The following LIMCH1 variants were observed in gnomAD, a reference collection of about 807,000 sequenced individuals.
LIMCH1 encodes the protein LIM and calponin homology domains 1.
LIMCH1 carries 113 observed loss-of-function variants against 176.5 expected under a neutral mutation model. The observed-to-expected ratio is 0.64, with a 90% CI of 0.55 to 0.75. The LOEUF (loss-of-function observed/expected upper bound fraction) is 0.75, where lower values mean the gene tolerates loss of function less well. LIMCH1 is among the 30% of genes least tolerant of loss of function. The probability of loss-of-function intolerance (pLI) is 0.00; values close to 1 mark genes in which losing one functional copy is unlikely to be tolerated. For missense variants in LIMCH1, 1,674 were observed against 1,814.9 expected (o/e 0.92, Z 1.41); for synonymous variants, 619 against 645.9 (o/e 0.96, Z 0.63).
intron 1 of LIMCH1, among the ~76,000 whole-genome samples, chr4:41,566,574 T>G (rs1337023385): frequency 6.6e-6 from 1 of 152,116 alleles, no homozygotes; most frequent in Admixed American, 6.5e-5. Context: ...GGAAGTATAC[T>G]TAGAACCAAT....
At chr4:41,561,016 C>CA (rs1248685060) in intron 1 of LIMCH1, among the ~76,000 whole-genome samples, 3 of 152,132 alleles carry the variant, frequency 2.0e-5, no homozygotes, top group East Asian at 3.9e-4. Context: ...GACCGTGTCT[C>CA]AAAAAAACAA....
intron 1 of LIMCH1, among the ~76,000 whole-genome samples, chr4:41,366,158 T>C (rs74879050): frequency 6.6e-6 from 1 of 152,186 alleles, no homozygotes; most frequent in Admixed American, 6.5e-5. Flanking sequence ...GATAACATGA[T>C]GATAAAAATT....
chr4:41,465,371 G>A (rs1309982461), intron 1 of LIMCH1, among the ~76,000 whole-genome samples: 2 of 152,128 alleles, frequency 1.3e-5, no homozygotes. Context: ...CCCGCTGCCA[G>A]CACACCAGTG....
chr4:41,494,717 C>A (rs78259276), intron 2 of LIMCH1: 21,971 of 730,156 alleles, frequency 0.03, 438 homozygotes, highest in Middle Eastern at 0.046. Flanking sequence ...CAGTTTGAAT[C>A]TGAAACTCAA....
intron 2 of LIMCH1, among the ~76,000 whole-genome samples, chr4:41,497,097 C>G (rs2072298894): frequency 6.6e-6 from 1 of 152,178 alleles, no homozygotes; most frequent in Admixed American, 6.5e-5. Context: ...TTGATGCTTT[C>G]CAGTTTTGTG....
chr4:41,613,510 T>C lies in LIMCH1; in HGVS notation c.54T>C (p.Ser18=). ...GTCCTAAACGCAGTATCCGAGACAG[T>C]GGCTACATCGACTGCTGGGATTCCG... ...IESPKRSIRD[S]GYIDCWDSER... Residue 18 remains serine (S), a synonymous_variant, in exon 5 of 32, where the codon AGT becomes AGC. Coordinates refer to ENST00000503057, the MANE Select transcript of LIMCH1 (RefSeq NM_001330672.2). The C allele has an allele frequency of 1.9e-6, 3 of 1,614,074 alleles. No homozygotes were observed. The highest frequency in any genetic ancestry group is 1.7e-6 in the Non-Finnish European group (2 of 1,180,006).
rs1441362848 is a variant in LIMCH1, at chr4:41,671,419, C to G, written c.3398-135C>G. On this transcript the variant is annotated intron_variant, in intron 21 of 31. Coordinates refer to ENST00000503057, the MANE Select transcript of LIMCH1 (RefSeq NM_001330672.2). ...CCAAACACACACACACACACACACACACACACACACACACACACACAAAAT... is the reference window on the plus strand; with the variant it reads ...CCAAACACACACACACACACACACAGACACACACACACACACACACAAAAT... The G allele has an allele frequency of 1.3e-5, 8 of 625,240 alleles. No homozygotes were observed. In the East Asian group the frequency reaches 2.3e-4, roughly 18 times the overall value. The allele number at this position is 625,240 out of a possible 1,614,324, so 38.7% of individuals were successfully genotyped here. A position where few individuals can be genotyped will look rare whatever the true frequency, so the allele number is the denominator to read the frequency against.
rs1327627462 is a variant in LIMCH1, at chr4:41,613,672, G to A, written c.205+11G>A. The stretch of plus-strand genomic sequence containing the variant: ...GGGGAAGCAGCGATGGTAGGTTGGA[G>A]TCTTAATAAACTATCCATCTTGAAA... On this transcript the variant is annotated intron_variant, in intron 5 of 31. Coordinates refer to ENST00000503057, the MANE Select transcript of LIMCH1 (RefSeq NM_001330672.2). 4 of 1,611,806 alleles carry A rather than the reference G, an allele frequency of 2.5e-6. No individual in the cohort carries two copies. Among genetic ancestry groups the A allele is most frequent in the Non-Finnish European group, 3.4e-6 (4 of 1,177,914 alleles).
intron 1 of LIMCH1, among the ~76,000 whole-genome samples, chr4:41,415,310 GATGT>G (rs1300447538): frequency 6.6e-6 from 1 of 152,138 alleles, no homozygotes; most frequent in Non-Finnish European, 1.5e-5. Context: ...GTGTCCTGAA[GATGT>G]ATTATTGGGA....
At chr4:41,386,290 G>A (rs183858895) in intron 1 of LIMCH1, among the ~76,000 whole-genome samples, 134 of 152,302 alleles carry the variant, frequency 8.8e-4, no homozygotes, top group Non-Finnish European at 1.5e-3. Context: ...TTCCTTAGAG[G>A]AGGGATGAAG....
chr4:41,486,018 ACT>A (rs2069466131), intron 1 of LIMCH1, among the ~76,000 whole-genome samples: 1 of 152,142 alleles, frequency 6.6e-6, no homozygotes, highest in African/African-American at 2.4e-5. Context: ...GTCAAGCATA[ACT>A]CTTAAGATTT....
rs936169735 is a variant in LIMCH1 at position 41,699,007 on chromosome 4, A to G, written c.*1822A>G. On this transcript the variant is annotated 3_prime_UTR_variant, in exon 32 of 32. Coordinates refer to ENST00000503057, the MANE Select transcript of LIMCH1 (RefSeq NM_001330672.2). ...AAATAAAAAAAGAAAAAAAGAAAAA[A>G]TTAAAAAGAAAAATTGTTTTGAAAA... 7 of 152,444 alleles carry G rather than the reference A, an allele frequency of 4.6e-5. No individual in the cohort carries two copies. In the South Asian group the frequency reaches 1.4e-3, roughly 32 times the overall value. The allele number at this position is 152,444 out of a possible 1,614,324, so 9.4% of individuals were successfully genotyped here.
chr4:41,632,919 G>T, intron 11 of LIMCH1, 52 bp downstream of exon 11: 1 of 1,529,344 alleles, frequency 6.5e-7, no homozygotes, highest in East Asian at 2.4e-5. Context: ...GACAGGTGGG[G>T]TCAGAGCCTC....
chr4:41,481,531 A>G (rs773947491), intron 1 of LIMCH1, among the ~76,000 whole-genome samples: 3 of 152,182 alleles, frequency 2.0e-5, no homozygotes, highest in Non-Finnish European at 2.9e-5. Context: ...AGATCCCTGG[A>G]TGCTGTGTGG....
intron 4 of LIMCH1, among the ~76,000 whole-genome samples, chr4:41,608,909 T>G (rs1276086329): frequency 2.0e-5 from 3 of 152,146 alleles, no homozygotes; most frequent in Non-Finnish European, 2.9e-5. Context: ...TAGGCAAACA[T>G]TCCCTTATAA....
chr4:41,604,955 A>T (rs560206985), intron 3 of LIMCH1, among the ~76,000 whole-genome samples: 1 of 152,146 alleles, frequency 6.6e-6, no homozygotes, highest in African/African-American at 2.4e-5. Context: ...TACCAAGTAG[A>T]AGGAGGCACA....
rs747440805 is a variant in LIMCH1, at chr4:41,487,001, C to CACAT, written c.97-7534_97-7533insCATA. Among the ~76,000 whole-genome samples, 16 of 148,518 alleles carry CACAT rather than the reference C, an allele frequency of 1.1e-4. No individual in the cohort carries two copies. In the South Asian group the frequency reaches 2.4e-3, roughly 22 times the overall value. On this transcript the variant is annotated intron_variant, in intron 1 of 26. Transcript: ENST00000313860. ...ATACACACACACACACACACACACACATATATATATACACACGTACATATA... is the reference window on the plus strand; with the variant it reads ...ATACACACACACACACACACACACACACATATATATATATACACACGTACATATA...
Position 41,650,572 on chromosome 4 carries a change from C to T in LIMCH1, c.3000C>T (p.Asn1000=). The change falls in exon 18 of 32, where the codon AAC becomes AAT. Residue 1000 remains asparagine, a synonymous_variant. Coordinates refer to ENST00000503057, the MANE Select transcript of LIMCH1 (RefSeq NM_001330672.2). ...AAGACAACGGTAGCATCGAGATCAA[C>T]ATAAAGAAGCCAAACTCTGTTCCCC... ...LKQDNGSIEI[N]IKKPNSVPQE... The T allele has an allele frequency of 1.2e-6, 2 of 1,613,982 alleles. No individual in the cohort carries two copies. The highest frequency in any genetic ancestry group is 1.3e-5 in the African/African-American group (1 of 75,026).
chr4:41,558,245 T>C (rs2081558604), intron 1 of LIMCH1, among the ~76,000 whole-genome samples: 1 of 151,770 alleles, frequency 6.6e-6, no homozygotes, highest in African/African-American at 2.4e-5. Context: ...GATACCAACA[T>C]TGAAAAAAAA....
Sources: allele counts gnomAD v4.1 joint callset (sites outside exome capture counted in the v4.1 genomes callset), GRCh38; gene constraint gnomAD v4.1.1; transcripts MANE v1.5; gene names NCBI Gene and HGNC (gene_info 2026-07-23, HGNC 2026-07-21).